The following CARMIL1 variants were observed in gnomAD, a reference collection of about 807,000 sequenced individuals.
CARMIL1 encodes the protein capping protein regulator and myosin 1 linker 1, also known as F-actin-uncapping protein LRRC16A.
CARMIL1 carries 90 observed loss-of-function variants against 177.1 expected under a neutral mutation model. That is an observed-to-expected ratio of 0.51 (90% CI 0.43 to 0.61). The LOEUF (loss-of-function observed/expected upper bound fraction) is 0.61, where lower values mean the gene tolerates loss of function less well. Among genes scored for constraint, CARMIL1 ranks in the 20% least tolerant of loss-of-function variants. The pLI is 0.00. For synonymous variants in CARMIL1, 577 were observed against 606.2 expected, an observed-to-expected ratio of 0.95 and a Z score of 0.71; for missense variants, 1,380 against 1,667.0, an observed-to-expected ratio of 0.83 and a Z score of 3.00.
chr6:25,310,186 A>G (rs1783680145), intron 2 of CARMIL1, among the ~76,000 whole-genome samples: 1 of 152,158 alleles, frequency 6.6e-6, no homozygotes, highest in Admixed American at 6.5e-5. Context: ...TATGTGCTCA[A>G]GTCTCTGATC....
intron 4 of CARMIL1, among the ~76,000 whole-genome samples, chr6:25,429,411 G>A (rs1316935897): frequency 1.3e-5 from 2 of 152,158 alleles, no homozygotes; most frequent in Admixed American, 1.3e-4. Flanking sequence ...GTCTTCTGCA[G>A]CATCAATGAA....
At chr6:25,441,819 AG>A (rs1797807735) in intron 5 of CARMIL1, among the ~76,000 whole-genome samples, 1 of 152,142 alleles carries the variant, frequency 6.6e-6, no homozygotes, top group Non-Finnish European at 1.5e-5. Context: ...AGTTCTCTTC[AG>A]GAAGTCATTC....
intron 12 of CARMIL1, among the ~76,000 whole-genome samples, chr6:25,482,795 A>ATCT (rs1249363027): frequency 1.1e-4 from 17 of 152,056 alleles, no homozygotes; most frequent in Non-Finnish European, 2.4e-4. Flanking sequence ...AGATTTCCTT[A>ATCT]TCTTCTCTCC....
At chr6:25,380,603 A>G (rs115046919) in intron 2 of CARMIL1, among the ~76,000 whole-genome samples, 4,421 of 152,288 alleles carry the variant, frequency 0.029, 80 homozygotes, top group Middle Eastern at 0.095. Context: ...TATACCTCCT[A>G]TTGTTTGAAT....
intron 8 of CARMIL1, among the ~76,000 whole-genome samples, chr6:25,459,812 G>A (rs1799978932): frequency 6.6e-6 from 1 of 152,194 alleles, no homozygotes; most frequent in Non-Finnish European, 1.5e-5. Context: ...GTTTGGAAAT[G>A]TACAGGAGAA....
rs548592549 is a variant in CARMIL1, at chr6:25,482,980, A to G, written c.961+637A>G. 8.5e-5 allele frequency among the ~76,000 whole-genome samples: 13 copies of G among 152,218 alleles called. No homozygotes were observed. In the East Asian group the frequency reaches 2.5e-3, roughly 29 times the overall value. ...GCCTGAAAATTTTTTTTTAATCCCC[A>G]AATAGAGAGGTTCAGTTTGTTTTAT... On this transcript the variant is annotated intron_variant, in intron 12 of 36. Transcript: ENST00000329474.
Position 25,279,780 on chromosome 6 carries a change from C to T in CARMIL1, c.-16C>T. 6.2e-7 allele frequency: 1 copy of T among 1,613,878 alleles called. No homozygotes were observed. Among genetic ancestry groups the T allele is most frequent in the Non-Finnish European group, 8.5e-7 (1 of 1,179,774 alleles). ...AGAGTTGGACCTGCAATAACCCCCA[C>T]ACCTACAGGGCAACCATGACCGAGG... On this transcript the variant is annotated 5_prime_UTR_variant, in exon 1 of 37. Transcript: ENST00000329474.
intron 33 of CARMIL1, among the ~76,000 whole-genome samples, chr6:25,601,198 A>G (rs920384171): frequency 6.6e-6 from 1 of 152,254 alleles, no homozygotes; most frequent in African/African-American, 2.4e-5. Context: ...ATCCAAAACC[A>G]TAACTTATTG....
At chr6:25,488,822 A>AT (rs907888002) in intron 13 of CARMIL1, among the ~76,000 whole-genome samples, 3 of 151,990 alleles carry the variant, frequency 2.0e-5, no homozygotes, top group African/African-American at 7.3e-5. Flanking sequence ...TGAAGTTCAC[A>AT]TTTTTTTGGA....
At chr6:25,408,215 G>A (rs1794565245) in intron 2 of CARMIL1, among the ~76,000 whole-genome samples, 1 of 151,380 alleles carries the variant, frequency 6.6e-6, no homozygotes, top group Non-Finnish European at 1.5e-5. Context: ...CTGAGCCTGG[G>A]AGGTCAAGGC....
At chr6:25,465,841 A>C (rs529073930) in intron 8 of CARMIL1, 32 bp from the exon 9 acceptor site, 3 of 1,307,428 alleles carry the variant, frequency 2.3e-6, no homozygotes, top group Admixed American at 3.4e-5. Context: ...CTGTAGGAGC[A>C]CTTTCATGTA....
At chr6:25,562,416 T>A (rs1157207234) in intron 29 of CARMIL1, among the ~76,000 whole-genome samples, 2 of 151,758 alleles carry the variant, frequency 1.3e-5, no homozygotes, top group Non-Finnish European at 2.9e-5. Context: ...CCTGGCTAAT[T>A]TTTGTATTTT....
intron 9 of CARMIL1, 40 bp downstream of exon 9, chr6:25,465,988 C>A: frequency 6.8e-7 from 1 of 1,475,558 alleles, no homozygotes. Context: ...CTTGGCTTTG[C>A]TGAATTTCAA....
chr6:25,459,270 T>TTTCTTTCTTTCTTTC (rs1799896544), intron 8 of CARMIL1, among the ~76,000 whole-genome samples: 13 of 21,184 alleles, frequency 6.1e-4, no homozygotes, highest in East Asian at 2.2e-3. Context: ...TTCTTTCTTT[T>TTTCTTTCTTTCTTTC]TTTTTTTTTT....
chr6:25,591,473 T>G (rs1180957304), intron 31 of CARMIL1, among the ~76,000 whole-genome samples: 1 of 152,214 alleles, frequency 6.6e-6, no homozygotes, highest in Non-Finnish European at 1.5e-5. Flanking sequence ...TTTTGCTCCC[T>G]CCTTTTCCAA....
intron 8 of CARMIL1, among the ~76,000 whole-genome samples, chr6:25,459,269 T>TCTTTCTTTCTTTCTTTCTTTCTTTTC (rs56094712): frequency 8.5e-6 from 1 of 118,170 alleles, no homozygotes; most frequent in African/African-American, 3.2e-5. Flanking sequence ...TTTCTTTCTT[T>TCTTTCTTTCTTTCTTTCTTTCTTTTC]TTTTTTTTTT....
intron 12 of CARMIL1, 26 bp downstream of exon 12, chr6:25,482,369 A>G: frequency 8.8e-7 from 1 of 1,133,766 alleles, no homozygotes; most frequent in Non-Finnish European, 1.3e-6. Flanking sequence ...TTTACCTAAG[A>G]GTGTGTCTGA....
rs2151149165 is a variant in CARMIL1, at chr6:25,545,567, A to C, written c.2329-5343A>C. Among the ~76,000 whole-genome samples, 3 of 152,314 alleles carry C rather than the reference A, an allele frequency of 2.0e-5. No individual in the cohort carries two copies. In the South Asian group the frequency reaches 6.2e-4, roughly 32 times the overall value. Reference sequence around the variant, plus strand: ...TGATGAAGAAGATTTGAACAACAGAAATCTTAATTGTAATCTAATGCAGCT... The same window carrying C: ...TGATGAAGAAGATTTGAACAACAGACATCTTAATTGTAATCTAATGCAGCT... On this transcript the variant is annotated intron_variant, in intron 26 of 36. Coordinates refer to ENST00000329474, the MANE Select transcript of CARMIL1 (RefSeq NM_017640.6).
intron 2 of CARMIL1, among the ~76,000 whole-genome samples, chr6:25,381,292 A>T (rs1791507189): frequency 6.6e-6 from 1 of 152,214 alleles, no homozygotes; most frequent in African/African-American, 2.4e-5. Flanking sequence ...CTTTAGACCT[A>T]AGCCATTCTG....
Sources: gnomAD v4.1 joint callset for allele counts (sites outside exome capture counted in the v4.1 genomes callset) on GRCh38, gnomAD v4.1.1 for gene constraint, MANE v1.5 for transcripts, NCBI Gene and HGNC (gene_info 2026-07-23, HGNC 2026-07-21) for gene names.